POLR1G: variants seen among roughly 807,000 people sequenced by gnomAD.
POLR1G encodes DNA-directed RNA polymerase I subunit RPA34.
Under a neutral mutation model 6.3 loss-of-function variants are expected in POLR1G, and 9 were observed. That is an observed-to-expected ratio of 1.44 (90% confidence interval 0.87 to 2.51). The LOEUF is 2.51. POLR1G is among the 30% of genes most tolerant of loss of function. The pLI is 0.00. For synonymous variants in POLR1G, 248 were observed against 256.5 expected (o/e 0.97, Z 0.32); for missense variants, 617 against 632.5 (o/e 0.98, Z 0.26).
chr19:45,407,348 C>T, intron 2 of POLR1G, 113 bp downstream of exon 2: 1 of 1,042,722 alleles, frequency 9.6e-7, no homozygotes, highest in Non-Finnish European at 1.4e-6. Flanking sequence ...GTGAAAGAAA[C>T]AAGTTTATTG....
rs199556175 is a variant in POLR1G, at chr19:45,409,420, G to A, written c.1452G>A (p.Pro484=). The A allele has an allele frequency of 8.1e-6, 13 of 1,613,670 alleles. No homozygotes were observed. The South Asian group carries it at 8.8e-5, about 11-fold the overall frequency. The change falls in exon 3 of 3, where the codon CCG becomes CCA. Residue 484 remains proline, a synonymous_variant. Transcript: ENST00000309424. ...TGCCCCAAGAGGAGATGCCAGGGCC[G>A]CCACTGAATTCAGAGTCTGGGGAGG... The part of the protein sequence containing the change: ...ETVPQEEMPG[P]PLNSESGEEA...
chr19:45,407,502 G>C, intron 2 of POLR1G: 1 of 435,322 alleles, frequency 2.3e-6, no homozygotes, highest in Non-Finnish European at 4.0e-6. Flanking sequence ...AAAGGTAGGG[G>C]CTATTGGTGT....
rs1457284713 is a variant in POLR1G at position 45,407,237 on chromosome 19, T to G, written c.164+2T>G. The G allele has an allele frequency of 3.7e-6, 6 of 1,610,534 alleles. No homozygotes were observed. The highest frequency in any genetic ancestry group is 2.2e-5 in the South Asian group (2 of 90,554). Reference sequence around the variant, plus strand: ...CCCTGCAGACTTTGCCCCAGAATGGTGAGTGGTCTTGTTGACGGAAAAGAG... The same window carrying G: ...CCCTGCAGACTTTGCCCCAGAATGGGGAGTGGTCTTGTTGACGGAAAAGAG... On this transcript the variant is annotated splice_donor_variant, in intron 2 of 2. Transcript: ENST00000309424. LOFTEE classifies it high-confidence loss of function.
At position 45,409,681 on chromosome 19, in the gene POLR1G, T is replaced by C. The variant is rs1568572588; in HGVS notation, c.*180T>C. The C allele has an allele frequency of 8.7e-7, 1 of 1,153,482 alleles. No homozygotes were observed. The highest frequency in any genetic ancestry group is 1.7e-5 in the Admixed American group (1 of 59,186). The allele number at this position is 1,153,482 out of a possible 1,614,324, so 71.5% of individuals were successfully genotyped here. A position where few individuals can be genotyped will look rare whatever the true frequency, so the allele number is the denominator to read the frequency against. ...TCCTTGGCAGCTGGGGTCATCAGGG[T>C]ACTTTCAAGAAGGGCTCGTGCAGGA... is the stretch of plus-strand genomic sequence containing the variant. On this transcript the variant is annotated 3_prime_UTR_variant, in exon 3 of 3. Transcript: ENST00000309424.
rs1335223653 is a variant in POLR1G at position 45,408,800 on chromosome 19, C to T, written c.832C>T (p.Pro278Ser). 6.2e-7 allele frequency: 1 copy of T among 1,613,846 alleles called. No homozygotes were observed. Among genetic ancestry groups the T allele is most frequent in the South Asian group, 1.1e-5 (1 of 91,058 alleles). ...TVKQEQINTE[P>S]LEDTVLSPTK... ...GAAGCAGGAACAGATTAACACTGAG[C>T]CTCTAGAAGACACAGTCCTGTCCCC... Residue 278 changes from proline to serine, a missense_variant, in exon 3 of 3, where the codon CCT (proline) becomes TCT (serine). Pro to Ser is a moderately conservative substitution (Grantham distance 74). Transcript: ENST00000309424.
chr19:45,407,297 A>T, intron 2 of POLR1G, 62 bp downstream of exon 2: 1 of 1,503,038 alleles, frequency 6.7e-7, no homozygotes, highest in East Asian at 2.3e-5. Flanking sequence ...GGGTTCTTGA[A>T]TTTGTCACAG....
rs1383639797 is a variant in POLR1G, at chr19:45,408,661, G to C, written c.693G>C (p.Gly231=). The change falls in exon 3 of 3, where the codon GGG becomes GGC. Residue 231 remains glycine, a synonymous_variant. Transcript: ENST00000309424. The part of the protein sequence containing the change: ...LKEPEAAGPV[G]TEPTVETLEP... ...AACCAGAGGCAGCAGGGCCTGTGGG[G>C]ACAGAGCCCACAGTGGAGACACTGG... 1 of 1,613,914 alleles carries C rather than the reference G, an allele frequency of 6.2e-7. No homozygotes were observed. The highest frequency in any genetic ancestry group is 8.5e-7 in the Non-Finnish European group (1 of 1,179,968).
rs199748005 is a variant in POLR1G at position 45,409,899 on chromosome 19, T to A, written c.*398T>A. ...TAAGTTATTATTATTATTATTATTT[T>A]TTTTTTTTTTGAGATGGAGTCTCGC... On this transcript the variant is annotated 3_prime_UTR_variant, in exon 3 of 3. Transcript: ENST00000309424. 72 of 259,378 alleles carry A rather than the reference T, an allele frequency of 2.8e-4. No homozygotes were observed. Among genetic ancestry groups the A allele is most frequent in the African/African-American group, 1.4e-3 (59 of 41,880 alleles). The allele number at this position is 259,378 out of a possible 1,614,324, so 16.1% of individuals were successfully genotyped here. A position where few individuals can be genotyped will look rare whatever the true frequency, so the allele number is the denominator to read the frequency against.
In POLR1G at chr19:45,409,734, G is replaced by A. The variant is rs1244662643; in HGVS notation, c.*233G>A. 1 of 807,374 alleles carries A rather than the reference G, an allele frequency of 1.2e-6. No homozygotes were observed. The highest frequency in any genetic ancestry group is 2.4e-5 in the East Asian group (1 of 41,330). The allele number at this position is 807,374 out of a possible 1,614,324, so 50.0% of individuals were successfully genotyped here. A position where few individuals can be genotyped will look rare whatever the true frequency, so the allele number is the denominator to read the frequency against. The stretch of plus-strand genomic sequence containing the variant: ...TCAAACAGCCTCCGGGCCTGGATGG[G>A]AGGGAGAAAAAAATGAGGAACCAGT... On this transcript the variant is annotated 3_prime_UTR_variant, in exon 3 of 3. Coordinates refer to ENST00000309424, the MANE Select transcript of POLR1G (RefSeq NM_012099.3).
At position 45,409,474 on chromosome 19, in the gene POLR1G, G is replaced by A. The variant is rs2123436168; in HGVS notation, c.1506G>A (p.Arg502=). The A allele has an allele frequency of 6.2e-7, 1 of 1,610,562 alleles. No individual in the cohort carries two copies. Among genetic ancestry groups the A allele is most frequent in the Non-Finnish European group, 8.5e-7 (1 of 1,179,128 alleles). The part of the protein sequence containing the change: ...EEAPTGRDKK[R]KQQQQQPV The stretch of plus-strand genomic sequence containing the variant: ...CTCCCACAGGCCGGGACAAGAAGCG[G>A]AAGCAGCAGCAGCAGCAGCCTGTGT... Residue 502 remains arginine (R), a synonymous_variant, in exon 3 of 3, where the codon CGG becomes CGA. Transcript: ENST00000309424.
In POLR1G at chr19:45,410,598, G is replaced by GTGTGTGTGTGT. The variant is rs1187372053; in HGVS notation, c.*1098_*1099insGTGTGTGTGTT. 2 of 58,652 alleles carry GTGTGTGTGTGT rather than the reference G, an allele frequency of 3.4e-5. No homozygotes were observed. The highest frequency in any genetic ancestry group is 9.9e-5 in the African/African-American group (1 of 10,140). The allele number at this position is 58,652 out of a possible 1,614,324, so 3.6% of individuals were successfully genotyped here. The stretch of plus-strand genomic sequence containing the variant: ...GTGTGTGTGTGTGTGTGTGTGTGTG[G>GTGTGTGTGTGT]TACCCATTAACCTTCCCCATCTCCC... On this transcript the variant is annotated 3_prime_UTR_variant, in exon 3 of 3. Coordinates refer to ENST00000309424, the MANE Select transcript of POLR1G (RefSeq NM_012099.3).
rs1050778828 is a variant in POLR1G at position 45,406,989 on chromosome 19, G to A, written c.23-105G>A. 9 of 1,419,394 alleles carry A rather than the reference G, an allele frequency of 6.3e-6. No individual in the cohort carries two copies. The highest frequency in any genetic ancestry group is 6.7e-6 in the Non-Finnish European group (7 of 1,049,886). 87.9% of individuals were successfully genotyped at this position (1,419,394 alleles called of 1,614,324 possible). On this transcript the variant is annotated intron_variant, in intron 1 of 2. Transcript: ENST00000309424. This position sits in a 1 kb window ranked among gnomAD's most constrained non-coding sequence, Gnocchi z 4.2. Reference sequence around the variant, plus strand: ...CAGAAAGGAGAAACCAGGTTGAGGGGACTGGAGTGCTCACGAGGTTAAGAC... The same window carrying A: ...CAGAAAGGAGAAACCAGGTTGAGGGAACTGGAGTGCTCACGAGGTTAAGAC...
At position 45,408,388 on chromosome 19, in the gene POLR1G, G is replaced by C; in HGVS notation, c.420G>C (p.Gln140His). Residue 140 changes from glutamine to histidine, a missense_variant, in exon 3 of 3, where the codon CAG becomes CAC. Transcript: ENST00000309424. ...LQPIPASPPPQIPPGLRPRFC... is the reference protein window; with the variant it reads ...LQPIPASPPPHIPPGLRPRFC... ...CCATCCCAGCAAGTCCCCCACCACA[G>C]ATCCCTCCTGGCCTGAGGCCTCGGT... 6.2e-7 allele frequency: 1 copy of C among 1,611,404 alleles called. No homozygotes were observed. Among genetic ancestry groups the C allele is most frequent in the Non-Finnish European group, 8.5e-7 (1 of 1,178,224 alleles).
Position 45,409,301 on chromosome 19 carries a change from C to T in POLR1G, c.1333C>T (p.Leu445=). ...GCCAATTCAGCCACTAGAGCCTGAA[C>T]TGCCAGGGGAGGGACAGCCTGAAGC... The part of the protein sequence containing the change: ...TEPIQPLEPE[L]PGEGQPEARA... Residue 445 remains leucine, a synonymous_variant, in exon 3 of 3, where the codon CTG becomes TTG. Coordinates refer to ENST00000309424, the MANE Select transcript of POLR1G (RefSeq NM_012099.3). 2 of 1,614,038 alleles carry T rather than the reference C, an allele frequency of 1.2e-6. No homozygotes were observed. The highest frequency in any genetic ancestry group is 2.2e-5 in the South Asian group (2 of 91,066).
chr19:45,408,091 CT>C, intron 2 of POLR1G, 41 bp from the exon 3 acceptor site: 1 of 1,511,994 alleles, frequency 6.6e-7, no homozygotes. Flanking sequence ...CTTCCCTCTC[CT>C]GTTCCACTTA....
rs376019190 is a variant in POLR1G, at chr19:45,406,654, G to A, written c.-43G>A. 7.8e-6 allele frequency: 12 copies of A among 1,545,994 alleles called. No homozygotes were observed. Among genetic ancestry groups the A allele is most frequent in the Non-Finnish European group, 9.6e-6 (11 of 1,144,940 alleles). On this transcript the variant is annotated 5_prime_UTR_variant, in exon 1 of 3. Transcript: ENST00000309424. The surrounding 1 kb of genome is among the most constrained non-coding windows in gnomAD (Gnocchi z 4.2). ...ATCCACGTGGTCTGCAACCTGGTGC[G>A]AGCAGCCCGGGCTACAGGGTTGCCT...
At position 45,407,080 on chromosome 19, in the gene POLR1G, C is replaced by T; in HGVS notation, c.23-14C>T. 6.3e-7 allele frequency: 1 copy of T among 1,584,016 alleles called. No homozygotes were observed. Among genetic ancestry groups the T allele is most frequent in the Non-Finnish European group, 8.5e-7 (1 of 1,170,046 alleles). On this transcript the variant is annotated splice_polypyrimidine_tract_variant and intron_variant, in intron 1 of 2. Transcript: ENST00000309424. ...AGGAGGTGTCAGTCGACCCCATTTC[C>T]CCTTCTGCTGCAGATGCTGCTCGGT...
chr19:45,408,060 A>AC (rs1973451624), intron 2 of POLR1G, 73 bp from the exon 3 acceptor site: 7 of 1,441,308 alleles, frequency 4.9e-6, no homozygotes, highest in Non-Finnish European at 6.4e-6. Flanking sequence ...TCAAAAAAAA[A>AC]CAAAAAAAAA....
Position 45,409,666 on chromosome 19 carries a change from C to G in POLR1G, c.*165C>G, listed in dbSNP as rs2229918. On this transcript the variant is annotated 3_prime_UTR_variant, in exon 3 of 3. Coordinates refer to ENST00000309424, the MANE Select transcript of POLR1G (RefSeq NM_012099.3). The stretch of plus-strand genomic sequence containing the variant: ...ATTACACTGGGGGTTTCCTTGGCAG[C>G]TGGGGTCATCAGGGTACTTTCAAGA... 5.5e-3 allele frequency: 7,103 copies of G among 1,289,254 alleles called. 24 individuals carry two copies. Among genetic ancestry groups the G allele is most frequent in the Non-Finnish European group, 6.8e-3 (6,022 of 884,374 alleles). The allele number at this position is 1,289,254 out of a possible 1,614,324, so 79.9% of individuals were successfully genotyped here. A position where few individuals can be genotyped will look rare whatever the true frequency, so the allele number is the denominator to read the frequency against.
Sources: gnomAD v4.1 joint callset for allele counts on GRCh38, gnomAD v4.1.1 for gene constraint, Gnocchi (gnomAD v3.1) non-coding constraint, MANE v1.5 for transcripts, NCBI Gene and HGNC (gene_info 2026-07-23, HGNC 2026-07-21) for gene names.